Variants in FRMD4B observed in about 807,000 individuals in gnomAD.
The protein encoded by FRMD4B is FERM domain containing 4B.
Under a neutral mutation model 141.5 loss-of-function variants are expected in FRMD4B, and 74 were observed. The ratio of observed to expected loss-of-function variants is 0.52; its 90% CI spans 0.43 to 0.63. FRMD4B has a LOEUF of 0.63. Among genes scored for constraint, FRMD4B ranks in the 30% least tolerant of loss-of-function variants. The pLI, the probability that FRMD4B is intolerant of heterozygous loss-of-function variation, is 0.00. For missense variants in FRMD4B, 1,366 were observed against 1,253.4 expected, an observed-to-expected ratio of 1.09 and a Z score of -1.36; for synonymous variants, 506 against 467.9, an observed-to-expected ratio of 1.08 and a Z score of -1.05.
At chr3:69,483,469 G>A (rs1385954886) in intron 1 of FRMD4B, among the ~76,000 whole-genome samples, 1 of 152,214 alleles carries the variant, frequency 6.6e-6, no homozygotes, top group Non-Finnish European at 1.5e-5. Flanking sequence ...ATATTTTGGA[G>A]TCTGTGATAG....
At chr3:69,536,281 A>G in intron 1 of FRMD4B, 1 of 623,724 alleles carries the variant, frequency 1.6e-6, no homozygotes, top group Non-Finnish European at 2.9e-6. Flanking sequence ...TCAGGGGGCC[A>G]TCTCCCTGGG....
intron 2 of FRMD4B, among the ~76,000 whole-genome samples, chr3:69,404,382 A>T (rs1215439153): frequency 6.6e-6 from 1 of 152,228 alleles, no homozygotes; most frequent in Non-Finnish European, 1.5e-5. Flanking sequence ...AATATTAAGG[A>T]TAGAAAATGT....
chr3:69,325,075 T>G (rs1386140406), intron 1 of FRMD4B, among the ~76,000 whole-genome samples: 45 of 119,892 alleles, frequency 3.8e-4, no homozygotes, highest in African/African-American at 1.3e-3. Context: ...AGATACTGTC[T>G]AAAAAAAAAA....
At chr3:69,529,596 C>T (rs989015371) in intron 1 of FRMD4B, among the ~76,000 whole-genome samples, 1 of 152,170 alleles carries the variant, frequency 6.6e-6, no homozygotes, top group African/African-American at 2.4e-5. Context: ...AGCCTTATCC[C>T]TGCCCTCCAC....
intron 4 of FRMD4B, chr3:69,293,021 G>T (rs1050135936): frequency 2.2e-6 from 1 of 454,038 alleles, no homozygotes; most frequent in East Asian, 7.0e-5. Context: ...GCTCAGGAAG[G>T]TTTTGTCACT....
intron 5 of FRMD4B, among the ~76,000 whole-genome samples, chr3:69,287,245 C>T (rs935221619): frequency 1.3e-5 from 2 of 152,158 alleles, no homozygotes; most frequent in South Asian, 2.1e-4. Context: ...AAAGAAAAAC[C>T]CTGTCCCTTA....
At chr3:69,516,279 A>T (rs1004393704) in intron 1 of FRMD4B, among the ~76,000 whole-genome samples, 13 of 152,154 alleles carry the variant, frequency 8.5e-5, no homozygotes, top group Admixed American at 6.6e-4. Flanking sequence ...AACTGCAGAT[A>T]TATCATTTAC....
chr3:69,348,361 A>T (rs1703019519), intron 1 of FRMD4B, among the ~76,000 whole-genome samples: 2 of 152,138 alleles, frequency 1.3e-5, no homozygotes, highest in Non-Finnish European at 2.9e-5. Context: ...CAACCAAAAA[A>T]AGTCCAGGAC....
intron 1 of FRMD4B, among the ~76,000 whole-genome samples, chr3:69,460,206 G>C (rs1224611876): frequency 6.6e-6 from 1 of 152,144 alleles, no homozygotes. Context: ...AAGGCGTTCT[G>C]GCATGCGTGA....
At chr3:69,538,095 C>T (rs1346444254) in intron 1 of FRMD4B, among the ~76,000 whole-genome samples, 1 of 152,180 alleles carries the variant, frequency 6.6e-6, no homozygotes, top group East Asian at 1.9e-4. Flanking sequence ...GGTTGCTGGA[C>T]TTGAACTTGA....
chr3:69,321,834 C>T (rs1425643067), intron 1 of FRMD4B, among the ~76,000 whole-genome samples: 1 of 152,126 alleles, frequency 6.6e-6, no homozygotes, highest in Non-Finnish European at 1.5e-5. Flanking sequence ...TCCACGTCAG[C>T]CTCCCGAATA....
intron 11 of FRMD4B, 44 bp downstream of exon 11, chr3:69,216,219 T>C: frequency 1.0e-6 from 1 of 978,280 alleles, no homozygotes; most frequent in Non-Finnish European, 1.6e-6. Context: ...GTGATTAACA[T>C]GTTTTGAACA....
chr3:69,230,422 G>C (rs2093296183), intron 7 of FRMD4B, among the ~76,000 whole-genome samples: 1 of 152,044 alleles, frequency 6.6e-6, no homozygotes, highest in Admixed American at 6.6e-5. Context: ...CCTCTGCTAG[G>C]TATATTCCCT....
chr3:69,512,434 C>A (rs1003661724), intron 1 of FRMD4B, among the ~76,000 whole-genome samples: 2 of 152,012 alleles, frequency 1.3e-5, no homozygotes, highest in Non-Finnish European at 2.9e-5. Context: ...AACAAAGAGA[C>A]CCTGAAAATA....
chr3:69,187,322 G>C (rs2092778510), intron 19 of FRMD4B, among the ~76,000 whole-genome samples: 1 of 151,852 alleles, frequency 6.6e-6, no homozygotes, highest in Admixed American at 6.6e-5. Flanking sequence ...GAGGCAGGCA[G>C]ATCACCTGAG....
chr3:69,254,438 A>G (rs2093480688), intron 5 of FRMD4B, among the ~76,000 whole-genome samples: 1 of 152,176 alleles, frequency 6.6e-6, no homozygotes, highest in African/African-American at 2.4e-5. Context: ...TGAAAGTTTG[A>G]TGAGAAACAG....
At chr3:69,193,609 G>A in intron 17 of FRMD4B, 39 bp downstream of exon 17, 1 of 1,041,576 alleles carries the variant, frequency 9.6e-7, no homozygotes, top group East Asian at 2.6e-5. Flanking sequence ...GAAGTACTGA[G>A]TAGGGGACTC....
intron 1 of FRMD4B, among the ~76,000 whole-genome samples, chr3:69,333,570 CTCT>C (rs1405192486): frequency 6.6e-6 from 1 of 152,128 alleles, no homozygotes; most frequent in Non-Finnish European, 1.5e-5. Context: ...TCATAGGTAC[CTCT>C]TCTTCTGCAA....
intron 1 of FRMD4B, among the ~76,000 whole-genome samples, chr3:69,502,648 A>C (rs1277263741): frequency 6.6e-6 from 1 of 152,188 alleles, no homozygotes; most frequent in Non-Finnish European, 1.5e-5. Flanking sequence ...TAAAACACCA[A>C]AAGCAATGGC....
Sources: allele counts gnomAD v4.1 joint callset (sites outside exome capture counted in the v4.1 genomes callset), GRCh38; gene constraint gnomAD v4.1.1; transcripts MANE v1.5; gene names NCBI Gene and HGNC (gene_info 2026-07-23, HGNC 2026-07-21).